UNC13C: variants seen among roughly 807,000 people sequenced by gnomAD.
UNC13C encodes the protein protein unc-13 homolog C.
UNC13C carries 174 observed loss-of-function variants against 245.4 expected under a neutral mutation model. That is an observed-to-expected ratio of 0.71 (90% CI 0.63 to 0.80). The LOEUF is 0.80. Among genes scored for constraint, UNC13C ranks in the 30% least tolerant of loss-of-function variants. The pLI is 0.00. For missense variants in UNC13C, 2,829 were observed against 2,602.9 expected (o/e 1.09, Z -1.89); for synonymous variants, 992 against 895.1 (o/e 1.11, Z -1.93).
At chr15:54,255,849 T>C (rs1478448496) in intron 8 of UNC13C, among the ~76,000 whole-genome samples, 1 of 152,172 alleles carries the variant, frequency 6.6e-6, no homozygotes, top group Non-Finnish European at 1.5e-5. Context: ...TGTTATTGCA[T>C]TGACTTTTCA....
intron 17 of UNC13C, among the ~76,000 whole-genome samples, chr15:54,361,748 C>T (rs1448835363): frequency 1.3e-5 from 2 of 152,202 alleles, no homozygotes; most frequent in African/African-American, 2.4e-5. Flanking sequence ...GCTACCCTAC[C>T]TCTCTTTCCT....
the UNC13C span, among the ~76,000 whole-genome samples, chr15:53,952,808 A>G: frequency 1.3e-5 from 2 of 152,252 alleles, no homozygotes; most frequent in Admixed American, 6.5e-5. Context: ...TACTTAAAGT[A>G]TACAGAGAAA....
chr15:53,961,647 G>T, the UNC13C span, among the ~76,000 whole-genome samples: 1 of 152,208 alleles, frequency 6.6e-6, no homozygotes, highest in Non-Finnish European at 1.5e-5. Flanking sequence ...CTGAGAGCAT[G>T]TTAAATTGGT....
chr15:54,204,545 C>T (rs2034649486), intron 4 of UNC13C, among the ~76,000 whole-genome samples: 2 of 151,930 alleles, frequency 1.3e-5, no homozygotes, highest in African/African-American at 2.4e-5. Flanking sequence ...AATTCTCTCT[C>T]AATTTGTCTA....
chr15:54,153,298 G>T (rs1406663451), intron 4 of UNC13C, among the ~76,000 whole-genome samples: 3 of 149,270 alleles, frequency 2.0e-5, no homozygotes, highest in Non-Finnish European at 4.5e-5. Flanking sequence ...TTTAAAAATG[G>T]TATATCTCAA....
At chr15:53,890,425 G>C in the UNC13C span, among the ~76,000 whole-genome samples, 6 of 152,274 alleles carry the variant, frequency 3.9e-5, no homozygotes, top group Admixed American at 3.9e-4. Context: ...ACAGGCATGA[G>C]CCACTGCGCC....
At chr15:54,087,958 C>T (rs1899337594) in intron 2 of UNC13C, among the ~76,000 whole-genome samples, 1 of 152,106 alleles carries the variant, frequency 6.6e-6, no homozygotes, top group African/African-American at 2.4e-5. Flanking sequence ...AACTAGTCAA[C>T]ATGTAGACCA....
intron 25 of UNC13C, among the ~76,000 whole-genome samples, chr15:54,530,172 T>G (rs1342011556): frequency 6.6e-6 from 1 of 152,198 alleles, no homozygotes; most frequent in African/African-American, 2.4e-5. Flanking sequence ...ATAATTACCA[T>G]GTAAAAATTA....
chr15:54,521,834 T>C (rs897836321), intron 24 of UNC13C, among the ~76,000 whole-genome samples: 1 of 152,248 alleles, frequency 6.6e-6, no homozygotes, highest in Admixed American at 6.5e-5. Flanking sequence ...GATATAGGAC[T>C]GCTTCTGTGA....
At chr15:54,128,153 A>T (rs1424407953) in intron 2 of UNC13C, among the ~76,000 whole-genome samples, 1 of 152,130 alleles carries the variant, frequency 6.6e-6, no homozygotes, top group East Asian at 1.9e-4. Flanking sequence ...CAAGAACACA[A>T]TCCCATTTAC....
chr15:53,927,651 G>A, the UNC13C span, among the ~76,000 whole-genome samples: 1 of 152,176 alleles, frequency 6.6e-6, no homozygotes, highest in Non-Finnish European at 1.5e-5. Context: ...ATTTGAAGCT[G>A]GAATTTCAAA....
At chr15:54,493,822 C>T (rs1893830969) in intron 19 of UNC13C, among the ~76,000 whole-genome samples, 1 of 152,010 alleles carries the variant, frequency 6.6e-6, no homozygotes, top group Non-Finnish European at 1.5e-5. Context: ...TATTATTTGT[C>T]TCTATTCCCC....
At chr15:53,896,652 G>A in the UNC13C span, among the ~76,000 whole-genome samples, 1 of 151,756 alleles carries the variant, frequency 6.6e-6, no homozygotes, top group Non-Finnish European at 1.5e-5. Context: ...GTCATGTTCA[G>A]GGCAACTAGT....
At chr15:54,499,580 A>G (rs1894107123) in intron 20 of UNC13C, among the ~76,000 whole-genome samples, 1 of 152,146 alleles carries the variant, frequency 6.6e-6, no homozygotes, top group South Asian at 2.1e-4. Context: ...GCACACATAC[A>G]GAAAAAAGAA....
At chr15:54,283,239 T>C (rs1394591469) in intron 10 of UNC13C, among the ~76,000 whole-genome samples, 1 of 152,176 alleles carries the variant, frequency 6.6e-6, no homozygotes, top group Non-Finnish European at 1.5e-5. Flanking sequence ...CCTGTCACTA[T>C]CAATTATATA....
intron 30 of UNC13C, among the ~76,000 whole-genome samples, chr15:54,604,950 A>AAAAAAT (rs3083193): frequency 0.68 from 102,925 of 151,106 alleles, 35,073 homozygotes; most frequent in Middle Eastern, 0.73. Flanking sequence ...CCTGCAACTT[A>AAAAAAT]AAAAATAAAG....
chr15:54,140,445 T>C (rs1351830724), intron 2 of UNC13C, among the ~76,000 whole-genome samples: 2 of 152,076 alleles, frequency 1.3e-5, no homozygotes, highest in Non-Finnish European at 2.9e-5. Flanking sequence ...ATCAAGGAGC[T>C]CAAATTCTGA....
chr15:53,961,348 C>T, the UNC13C span, among the ~76,000 whole-genome samples: 1 of 152,248 alleles, frequency 6.6e-6, no homozygotes, highest in Non-Finnish European at 1.5e-5. Context: ...CAGGAAGTTA[C>T]TTTGTTTGCA....
intron 10 of UNC13C, among the ~76,000 whole-genome samples, chr15:54,284,055 T>C (rs4616246): frequency 0.017 from 2,542 of 152,342 alleles, 83 homozygotes; most frequent in African/African-American, 0.059. Flanking sequence ...TACAGTTGTA[T>C]GATCTTTTGT....
Sources: allele counts gnomAD v4.1 joint callset (sites outside exome capture counted in the v4.1 genomes callset), GRCh38; gene constraint gnomAD v4.1.1; transcripts MANE v1.5; gene names NCBI Gene and HGNC (gene_info 2026-07-23, HGNC 2026-07-21).